Variants in SLC12A2 observed in about 807,000 individuals in gnomAD.
SLC12A2 encodes Na-K-2Cl cotransporter 1.
SLC12A2 carries 67 observed loss-of-function variants against 136.3 expected under a neutral mutation model. The ratio of observed to expected loss-of-function variants is 0.49; its 90% CI spans 0.40 to 0.60. The LOEUF (loss-of-function observed/expected upper bound fraction) is 0.60, where lower values mean the gene tolerates loss of function less well. SLC12A2 is among the 20% of genes least tolerant of loss of function. SLC12A2 has a pLI of 0.00. For synonymous variants in SLC12A2, 619 were observed against 562.9 expected (o/e 1.10, Z -1.41); for missense variants, 1,322 against 1,534.7 (o/e 0.86, Z 2.32).
intron 19 of SLC12A2, among the ~76,000 whole-genome samples, chr5:128,173,583 A>G (rs935885812): frequency 1.3e-5 from 2 of 152,234 alleles, no homozygotes; most frequent in Non-Finnish European, 2.9e-5. Context: ...CTTTAAAAAT[A>G]TCAGCCTTTT....
chr5:128,092,280 A>T (rs1028741389), intron 1 of SLC12A2, among the ~76,000 whole-genome samples: 6 of 152,230 alleles, frequency 3.9e-5, no homozygotes, highest in African/African-American at 1.4e-4. Context: ...GCCCATTATC[A>T]TCTTAATGGA....
intron 4 of SLC12A2, among the ~76,000 whole-genome samples, chr5:128,124,514 A>G (rs1450755092): frequency 2.0e-5 from 3 of 152,246 alleles, no homozygotes; most frequent in East Asian, 3.9e-4. Flanking sequence ...ACAGCTTACT[A>G]TCATCAGTTT....
intron 1 of SLC12A2, chr5:128,111,062 T>A (rs557774867): frequency 3.9e-5 from 24 of 614,182 alleles, no homozygotes; most frequent in South Asian, 1.2e-4. Flanking sequence ...AGAATTTTTT[T>A]AAGTATTAAT....
intron 1 of SLC12A2, among the ~76,000 whole-genome samples, chr5:128,099,933 T>C (rs977282573): frequency 6.6e-6 from 1 of 152,182 alleles, no homozygotes; most frequent in African/African-American, 2.4e-5. Flanking sequence ...TTATTTTTTT[T>C]AAGTAAGTAG....
chr5:128,169,070 C>A (rs1763290600), intron 18 of SLC12A2: 1 of 151,868 alleles, frequency 6.6e-6, no homozygotes, highest in African/African-American at 2.4e-5. Context: ...AAAAGTACTT[C>A]TTTTCCTACT....
At chr5:128,179,313 C>T (rs1311134029) in intron 22 of SLC12A2, among the ~76,000 whole-genome samples, 1 of 152,180 alleles carries the variant, frequency 6.6e-6, no homozygotes, top group Admixed American at 6.5e-5. Context: ...AATGATGATT[C>T]TCCTATTCCA....
intron 4 of SLC12A2, among the ~76,000 whole-genome samples, chr5:128,121,686 T>C (rs2126682306): frequency 6.6e-6 from 1 of 152,242 alleles, no homozygotes; most frequent in South Asian, 2.1e-4. Context: ...GTTCTCTGCC[T>C]TCCACATAAG....
rs1763482434 is a variant in SLC12A2, at chr5:128,174,559, A to G, written c.2822A>G (p.Gln941Arg). 6.2e-7 allele frequency: 1 copy of G among 1,606,120 alleles called. No homozygotes were observed. Among genetic ancestry groups the G allele is most frequent in the Admixed American group, 1.7e-5 (1 of 59,308 alleles). The change falls in exon 20 of 27, where the codon CAA becomes CGA. Residue 941 changes from glutamine to arginine, a missense_variant. This residue lies in a region of SLC12A2 where 226 missense variants were observed against 210.4 expected (regional missense o/e 1.07). Transcript: ENST00000262461. ...LQGQEELLSS[Q>R]EKSPGTKDVV... The stretch of plus-strand genomic sequence containing the variant: ...TCTACAGAAGAATTATTGTCATCAC[A>G]AGAGAAATCTCCTGGCACCAAGGAT...
At chr5:128,111,135 C>T (rs962149107) in intron 1 of SLC12A2, 6 of 413,324 alleles carry the variant, frequency 1.5e-5, no homozygotes, top group African/African-American at 1.2e-4. Context: ...TCTACTTATG[C>T]AGTATTCTCA....
intron 20 of SLC12A2, among the ~76,000 whole-genome samples, chr5:128,176,551 T>C (rs1763548455): frequency 6.6e-6 from 1 of 152,134 alleles, no homozygotes; most frequent in East Asian, 1.9e-4. Flanking sequence ...TATATAAATT[T>C]ATATATGTGA....
At chr5:128,130,967 G>T in intron 4 of SLC12A2, 100 bp from the exon 5 acceptor site, 1 of 1,064,006 alleles carries the variant, frequency 9.4e-7, no homozygotes, top group African/African-American at 1.6e-5. Context: ...TGCTTATTGG[G>T]GGCATCTGCT....
At chr5:128,169,980 T>C (rs1763318926) in intron 18 of SLC12A2, 1 of 152,186 alleles carries the variant, frequency 6.6e-6, no homozygotes, top group South Asian at 2.1e-4. Context: ...TTTAGAACCA[T>C]GTAAATTAAT....
chr5:128,110,770 C>G, intron 1 of SLC12A2: 2 of 1,463,182 alleles, frequency 1.4e-6, no homozygotes, highest in South Asian at 1.1e-5. Flanking sequence ...GACAAAAGAT[C>G]ACAATGAAGA....
At chr5:128,182,806 A>G (rs1329299538) in intron 23 of SLC12A2, 49 bp from the exon 24 acceptor site, 4 of 1,309,802 alleles carry the variant, frequency 3.1e-6, no homozygotes, top group East Asian at 2.3e-5. Flanking sequence ...ATTCAGCCCA[A>G]TATAGAATGA....
chr5:128,169,956 T>TA (rs1371102762), intron 18 of SLC12A2: 1 of 152,166 alleles, frequency 6.6e-6, no homozygotes, highest in Non-Finnish European at 1.5e-5. Flanking sequence ...ATAGGTAAAA[T>TA]ACTGCTTTCT....
intron 7 of SLC12A2, among the ~76,000 whole-genome samples, chr5:128,136,641 C>T (rs1762200590): frequency 6.6e-6 from 1 of 152,060 alleles, no homozygotes; most frequent in Admixed American, 6.5e-5. Context: ...CATTCCTTCT[C>T]CTTCTTGAAA....
chr5:128,167,067 T>G lies in SLC12A2; in HGVS notation c.2617-694T>G, dbSNP rs139552454. On this transcript the variant is annotated intron_variant, in intron 17 of 26. Transcript: ENST00000262461. ...TAACTTTATATTGTATTAGCTATTA[T>G]GAGTAATCTTGAGATGATTTATAGA... Among the ~76,000 whole-genome samples the G allele has an allele frequency of 2.0e-5, 3 of 152,220 alleles. No individual in the cohort carries two copies. The East Asian group carries it at 5.8e-4, about 29-fold the overall frequency.
intron 1 of SLC12A2, among the ~76,000 whole-genome samples, chr5:128,097,426 C>T (rs1306272531): frequency 9.9e-5 from 15 of 151,912 alleles, no homozygotes; most frequent in Non-Finnish European, 1.0e-4. Context: ...CCATTTCATG[C>T]TCTTTGTATA....
chr5:128,144,235 G>T (rs913275795), intron 10 of SLC12A2, among the ~76,000 whole-genome samples: 26 of 152,102 alleles, frequency 1.7e-4, no homozygotes, highest in Admixed American at 3.9e-4. Context: ...CGAGCAAAGA[G>T]GAATTTGGTA....
Sources: gnomAD v4.1 joint callset for allele counts (sites outside exome capture counted in the v4.1 genomes callset) on GRCh38, gnomAD v4.1.1 for gene constraint, gnomAD v4.1.1 regional missense constraint, MANE v1.5 for transcripts, NCBI Gene and HGNC (gene_info 2026-07-23, HGNC 2026-07-21) for gene names.